KPNA7: variants seen among roughly 807,000 people sequenced by gnomAD.
The protein encoded by KPNA7 is karyopherin subunit alpha 7, also known as importin subunit alpha-8.
Under a neutral mutation model 53.7 loss-of-function variants are expected in KPNA7, and 54 were observed. That is an observed-to-expected ratio of 1.01 (90% CI 0.81 to 1.26). KPNA7 has a LOEUF of 1.26. KPNA7 is among the 50% of genes most tolerant of loss of function. KPNA7 has a pLI of 0.00. For synonymous variants in KPNA7, 276 were observed against 259.3 expected, an observed-to-expected ratio of 1.06 and a Z score of -0.62; for missense variants, 640 against 644.5, an observed-to-expected ratio of 0.99 and a Z score of 0.07.
intron 1 of KPNA7, among the ~76,000 whole-genome samples, chr7:99,216,813 T>C (rs4341098): frequency 0.96 from 146,788 of 152,150 alleles, 71,032 homozygotes; most frequent in South Asian, 1. Flanking sequence ...CCGCCCGCCT[T>C]GGCCTCCCAA....
the KPNA7 span, among the ~76,000 whole-genome samples, chr7:99,163,917 G>C: frequency 6.6e-6 from 1 of 151,920 alleles, no homozygotes; most frequent in Non-Finnish European, 1.5e-5. Flanking sequence ...TCTCGAAAAT[G>C]CAAATCAAAA....
rs930903825 is a variant in KPNA7, at chr7:99,193,026, G to A, written c.629C>T (p.Thr210Ile). The A allele has an allele frequency of 4.0e-6, 6 of 1,500,682 alleles. No individual in the cohort carries two copies. The African/African-American group carries it at 7.2e-5, about 18-fold the overall frequency. The allele number at this position is 1,500,682 out of a possible 1,614,324, so 93.0% of individuals were successfully genotyped here. ...IPHLLALISP[T>I]LPITFLRNIT... ...AAAGAAAAAGACACTTACCGGCAGG[G>A]TGGGTGAAATCAAGGCTAGGAGATG... Residue 210 changes from threonine (T) to isoleucine (I), a missense_variant, in exon 6 of 11, where the codon ACC becomes ATC. By Grantham distance (89) the Thr-to-Ile change is moderately conservative. Transcript: ENST00000327442.
Position 99,192,996 on chromosome 7 carries a change from AAGAG to A in KPNA7, c.636+19_636+22del, listed in dbSNP as rs1790034261. 2.8e-6 allele frequency: 4 copies of A among 1,443,380 alleles called. No individual in the cohort carries two copies. The highest frequency in any genetic ancestry group is 5.0e-5 in the East Asian group (2 of 39,644). The allele number at this position is 1,443,380 out of a possible 1,614,324, so 89.4% of individuals were successfully genotyped here. On this transcript the variant is annotated intron_variant, in intron 6 of 10. Transcript: ENST00000327442. The stretch of plus-strand genomic sequence containing the variant: ...TAAAATTTTAATTTAAAAAAAAAAA[AAGAG>A]AAAGAAAAAGACACTTACCGGCAGG...
At chr7:99,150,858 T>C in the KPNA7 span, among the ~76,000 whole-genome samples, 1 of 152,178 alleles carries the variant, frequency 6.6e-6, no homozygotes, top group Non-Finnish European at 1.5e-5. Flanking sequence ...CATTGCCCTA[T>C]GCATCTGCAG....
intron 3 of KPNA7, among the ~76,000 whole-genome samples, chr7:99,199,065 G>GAAAAAAAAAAAAAAAAAAAA (rs67877761): frequency 1.6e-5 from 1 of 61,128 alleles, no homozygotes. Context: ...GCTGCAAACT[G>GAAAAAAAAAAAAAAAAAAAA]AAAAAAAAAA....
At chr7:99,154,805 G>A in the KPNA7 span, among the ~76,000 whole-genome samples, 1 of 152,002 alleles carries the variant, frequency 6.6e-6, no homozygotes, top group Non-Finnish European at 1.5e-5. Flanking sequence ...GATTACAGGC[G>A]TGAGTCTTGA....
upstream of KPNA7, among the ~76,000 whole-genome samples, chr7:99,209,682 CAAAAAAAAAAAAAAAAAAA>C (rs60377276): frequency 1.2e-4 from 9 of 73,532 alleles, no homozygotes; most frequent in South Asian, 3.5e-3. Flanking sequence ...GACTCCAACT[CAAAAAAAAAAAAAAAAAAA>C]AAAAAAAAAG....
chr7:99,180,923 C>G (rs528562640), intron 9 of KPNA7, among the ~76,000 whole-genome samples: 1 of 49,996 alleles, frequency 2.0e-5, no homozygotes, highest in East Asian at 4.8e-4. Flanking sequence ...CCGTCTGTGT[C>G]TCTCTCTCTC....
intron 7 of KPNA7, 105 bp downstream of exon 7, chr7:99,188,195 A>AAAAAAAAAAAAAAAAAAAG (rs779112006): frequency 1.9e-6 from 1 of 526,412 alleles, no homozygotes; most frequent in African/African-American, 2.1e-5. Context: ...AAAAAAAAAA[A>AAAAAAAAAAAAAAAAAAAG]AAAGCAAAGA....
chr7:99,195,380 G>C lies in KPNA7; in HGVS notation c.285-42C>G, dbSNP rs767063843. The C allele has an allele frequency of 3.9e-6, 6 of 1,535,964 alleles. No individual in the cohort carries two copies. In the Admixed American group the frequency reaches 5.9e-5, roughly 15 times the overall value. On this transcript the variant is annotated intron_variant, in intron 4 of 10. Transcript: ENST00000327442. ...AGGGCAGGGGAGGGGGAGGTCAAGT[G>C]AGAGAGGTATTAAGGACCTCCTTTT...
At chr7:99,203,496 T>C (rs1302951077) in intron 2 of KPNA7, among the ~76,000 whole-genome samples, 2 of 152,058 alleles carry the variant, frequency 1.3e-5, no homozygotes, top group Non-Finnish European at 2.9e-5. Flanking sequence ...AGGTCAGGAT[T>C]CTCAGCTATA....
intron 1 of KPNA7, among the ~76,000 whole-genome samples, chr7:99,216,998 G>T (rs1791235710): frequency 6.6e-6 from 1 of 152,196 alleles, no homozygotes; most frequent in South Asian, 2.1e-4. Flanking sequence ...AGATCTAGCT[G>T]AGTTTTTCCT....
intron 7 of KPNA7, 43 bp downstream of exon 7, chr7:99,188,257 T>TG: frequency 6.5e-7 from 1 of 1,533,686 alleles, no homozygotes; most frequent in Non-Finnish European, 8.8e-7. Flanking sequence ...AAAGTGACTA[T>TG]GACCCGAGGA....
intron 3 of KPNA7, among the ~76,000 whole-genome samples, chr7:99,197,516 AG>A (rs1175127064): frequency 5.9e-5 from 9 of 152,348 alleles, no homozygotes; most frequent in African/African-American, 1.7e-4. Context: ...TGAGGAGACC[AG>A]ATGTTGAACT....
Position 99,193,046 on chromosome 7 carries a change from G to C in KPNA7, c.609C>G (p.Leu203=), listed in dbSNP as rs7783606. ...GCAGGGTGGGTGAAATCAAGGCTAGGAGATGTGGGATGGCATTGCTTGTGA... is the reference window on the plus strand; with the variant it reads ...GCAGGGTGGGTGAAATCAAGGCTAGCAGATGTGGGATGGCATTGCTTGTGA... ...NVITSNAIPH[L]LALISPTLPI... The change falls in exon 6 of 11, where the codon CTC becomes CTG. Residue 203 remains leucine (L), a synonymous_variant. Coordinates refer to ENST00000327442, the MANE Select transcript of KPNA7 (RefSeq NM_001145715.3). 115,434 of 1,505,240 alleles carry C rather than the reference G, an allele frequency of 0.077. 4,923 individuals are homozygous for C. The highest frequency in any genetic ancestry group is 0.13 in the South Asian group (9,479 of 74,926). The allele number at this position is 1,505,240 out of a possible 1,614,324, so 93.2% of individuals were successfully genotyped here.
In KPNA7 at chr7:99,185,103, C is replaced by G. The variant is rs1053972445; in HGVS notation, c.960G>C (p.Met320Ile). ...CGTTCAGCATACCCGCATCAATGGC[C>G]ATCTGCGTCTGCTCATCTGTGCCCG... ...IVTGTDEQTQ[M>I]AIDAGMLNVL... is the part of the protein sequence containing the mutation. The change falls in exon 8 of 11, where the codon ATG (methionine) becomes ATC (isoleucine). Residue 320 changes from methionine (M) to isoleucine (I), a missense_variant. Physicochemically the swap from Met to Ile is conservative, Grantham distance 10. Coordinates refer to ENST00000327442, the MANE Select transcript of KPNA7 (RefSeq NM_001145715.3). 1 of 1,551,900 alleles carries G rather than the reference C, an allele frequency of 6.4e-7. No homozygotes were observed.
In KPNA7 at chr7:99,193,018, C is replaced by T. The variant is rs775725260; in HGVS notation, c.636+1G>A. The T allele has an allele frequency of 2.0e-6, 3 of 1,493,812 alleles. No homozygotes were observed. Among genetic ancestry groups the T allele is most frequent in the Non-Finnish European group, 2.7e-6 (3 of 1,123,496 alleles). 92.5% of individuals were successfully genotyped at this position (1,493,812 alleles called of 1,614,324 possible). The stretch of plus-strand genomic sequence containing the variant: ...AAAAAGAGAAAGAAAAAGACACTTA[C>T]CGGCAGGGTGGGTGAAATCAAGGCT... On this transcript the variant is annotated splice_donor_variant, in intron 6 of 10. Transcript: ENST00000327442. LOFTEE classifies it high-confidence loss of function.
the KPNA7 span, among the ~76,000 whole-genome samples, chr7:99,166,986 A>G: frequency 2.6e-5 from 4 of 152,208 alleles, no homozygotes; most frequent in African/African-American, 9.6e-5. Context: ...CACAGGTGTT[A>G]TATGAAAAGT....
chr7:99,212,598 T>C (rs933019351), upstream of KPNA7, among the ~76,000 whole-genome samples: 2 of 151,964 alleles, frequency 1.3e-5, no homozygotes, highest in African/African-American at 2.4e-5. Context: ...GAAGCGTTGC[T>C]TTTTAAGACT....
Sources: gnomAD v4.1 joint callset for allele counts (sites outside exome capture counted in the v4.1 genomes callset) on GRCh38, gnomAD v4.1.1 for gene constraint, MANE v1.5 for transcripts, NCBI Gene and HGNC (gene_info 2026-07-23, HGNC 2026-07-21) for gene names.